SNTG1: variants seen among roughly 807,000 people sequenced by gnomAD.
SNTG1 encodes gamma-1-syntrophin.
Under a neutral mutation model 74.7 loss-of-function variants are expected in SNTG1, and 39 were observed. The observed-to-expected ratio is 0.52, with a 90% CI of 0.40 to 0.68. The LOEUF is 0.68. SNTG1 is among the 30% of genes least tolerant of loss of function. The pLI, the probability that SNTG1 is intolerant of heterozygous loss-of-function variation, is 0.00. For missense variants in SNTG1, 685 were observed against 609.5 expected (o/e 1.12, Z -1.30); for synonymous variants, 254 against 217.1 (o/e 1.17, Z -1.49).
At chr8:50,274,664 T>C (rs1210950804) in intron 2 of SNTG1, among the ~76,000 whole-genome samples, 1 of 152,154 alleles carries the variant, frequency 6.6e-6, no homozygotes. Flanking sequence ...CTCTGACTCG[T>C]GAAGTATGAT....
rs768211495 is a variant in SNTG1, at chr8:50,242,593, T to C, written c.-28+69958T>C. On this transcript the variant is annotated intron_variant, in intron 2 of 18. Transcript: ENST00000642720. ...TTATTCTGTAGGTTTTTATGGAAGC[T>C]TGTATATTGATGTGAAGCCCCCAAA... Among the ~76,000 whole-genome samples, 50 of 151,358 alleles carry C rather than the reference T, an allele frequency of 3.3e-4. 1 individual carries two copies. The highest frequency in any genetic ancestry group is 3.5e-4 in the Non-Finnish European group (24 of 67,858).
intron 1 of SNTG1, among the ~76,000 whole-genome samples, chr8:50,019,345 C>T (rs1816619268): frequency 6.6e-6 from 1 of 151,990 alleles, no homozygotes; most frequent in Non-Finnish European, 1.5e-5. Context: ...TTTTCAGGGA[C>T]AGACTTATAA....
chr8:50,534,433 G>C (rs1009284435), intron 10 of SNTG1, among the ~76,000 whole-genome samples: 1 of 152,116 alleles, frequency 6.6e-6, no homozygotes, highest in Non-Finnish European at 1.5e-5. Context: ...CTGCCACACA[G>C]TATTATTGCT....
chr8:50,713,867 G>A (rs894044359), intron 17 of SNTG1, among the ~76,000 whole-genome samples: 3 of 151,982 alleles, frequency 2.0e-5, no homozygotes, highest in African/African-American at 7.3e-5. Context: ...AGACCAGCAT[G>A]ACCAACATAA....
chr8:50,602,759 A>G (rs1269100718), intron 13 of SNTG1, among the ~76,000 whole-genome samples: 2 of 152,270 alleles, frequency 1.3e-5, no homozygotes, highest in South Asian at 4.1e-4. Flanking sequence ...TGCTTAATGC[A>G]TATTTTCACT....
chr8:50,607,349 T>C (rs1293353568), intron 13 of SNTG1, among the ~76,000 whole-genome samples: 2 of 151,558 alleles, frequency 1.3e-5, no homozygotes, highest in African/African-American at 4.8e-5. Flanking sequence ...GGAATTTGAT[T>C]TATATGTAGG....
intron 1 of SNTG1, among the ~76,000 whole-genome samples, chr8:49,971,891 C>A (rs184604309): frequency 0.01 from 1,577 of 152,298 alleles, 8 homozygotes; most frequent in Admixed American, 0.018. Flanking sequence ...GAAGAACATT[C>A]CATGCTCATG....
intron 1 of SNTG1, among the ~76,000 whole-genome samples, chr8:50,002,936 A>T (rs1814881760): frequency 6.6e-6 from 1 of 152,188 alleles, no homozygotes; most frequent in Non-Finnish European, 1.5e-5. Context: ...AGGTACTGAT[A>T]CATGCTACAA....
intron 15 of SNTG1, among the ~76,000 whole-genome samples, chr8:50,682,735 A>C (rs181128959): frequency 2.0e-4 from 30 of 152,088 alleles, no homozygotes; most frequent in African/African-American, 6.7e-4. Context: ...CCTCTGTAAG[A>C]TCTGTCCCCC....
chr8:49,937,006 G>T (rs761739936), intron 1 of SNTG1, among the ~76,000 whole-genome samples: 1 of 152,042 alleles, frequency 6.6e-6, no homozygotes, highest in Non-Finnish European at 1.5e-5. Flanking sequence ...AAAATTCGCC[G>T]GACGTGGTGG....
At chr8:50,735,360 A>G (rs1407028563) in intron 17 of SNTG1, among the ~76,000 whole-genome samples, 1 of 151,912 alleles carries the variant, frequency 6.6e-6, no homozygotes, top group Non-Finnish European at 1.5e-5. Context: ...AATGAAAGGA[A>G]GCTAAGAAAC....
intron 12 of SNTG1, among the ~76,000 whole-genome samples, chr8:50,577,152 A>C (rs949822989): frequency 6.6e-6 from 1 of 152,164 alleles, no homozygotes; most frequent in Admixed American, 6.5e-5. Flanking sequence ...GTTTCCTTCT[A>C]TTTCTAGTAT....
chr8:50,019,846 C>A (rs1479779869), intron 1 of SNTG1, among the ~76,000 whole-genome samples: 1 of 152,048 alleles, frequency 6.6e-6, no homozygotes, highest in Non-Finnish European at 1.5e-5. Context: ...TGTGAAACAT[C>A]ATAAGCAGTG....
intron 2 of SNTG1, among the ~76,000 whole-genome samples, chr8:50,181,374 T>C (rs1262365372): frequency 6.6e-6 from 1 of 152,194 alleles, no homozygotes; most frequent in African/African-American, 2.4e-5. Context: ...TATTAATTGC[T>C]TTAATATAAT....
chr8:50,245,328 T>C (rs553382271), intron 2 of SNTG1, among the ~76,000 whole-genome samples: 1 of 152,276 alleles, frequency 6.6e-6, no homozygotes, highest in Admixed American at 6.5e-5. Flanking sequence ...TCTGCTTTTT[T>C]AAGTTTGATA....
chr8:50,723,543 G>A (rs1036663871), intron 17 of SNTG1, among the ~76,000 whole-genome samples: 6 of 152,062 alleles, frequency 3.9e-5, no homozygotes, highest in East Asian at 1.9e-4. Flanking sequence ...CCCACTTCCC[G>A]ATTACAGGCC....
intron 4 of SNTG1, among the ~76,000 whole-genome samples, chr8:50,406,209 T>C (rs958368081): frequency 6.6e-6 from 1 of 152,104 alleles, no homozygotes; most frequent in Non-Finnish European, 1.5e-5. Context: ...TATGGGTACT[T>C]TGAGTTCTTT....
chr8:50,295,436 G>T (rs912917882), intron 2 of SNTG1, among the ~76,000 whole-genome samples: 2 of 152,076 alleles, frequency 1.3e-5, no homozygotes, highest in African/African-American at 4.8e-5. Flanking sequence ...CCTTTAAAAA[G>T]ATAGGTAAAT....
chr8:50,524,104 A>G (rs2094201499), intron 9 of SNTG1, among the ~76,000 whole-genome samples: 1 of 151,786 alleles, frequency 6.6e-6, no homozygotes, highest in Non-Finnish European at 1.5e-5. Flanking sequence ...CCATGCTTTG[A>G]TCCTTTTATC....
Sources: allele counts gnomAD v4.1 joint callset (sites outside exome capture counted in the v4.1 genomes callset), GRCh38; gene constraint gnomAD v4.1.1; transcripts MANE v1.5; gene names NCBI Gene and HGNC (gene_info 2026-07-23, HGNC 2026-07-21).